NRXN1: variants seen among roughly 807,000 people sequenced by gnomAD.
NRXN1 encodes neurexin-1.
Under a neutral mutation model 150.9 loss-of-function variants are expected in NRXN1, and 39 were observed. The ratio of observed to expected loss-of-function variants is 0.26; its 90% CI spans 0.20 to 0.34. The LOEUF is 0.34. NRXN1 is among the 10% of genes least tolerant of loss of function. The pLI is 1.00. For synonymous variants in NRXN1, 924 were observed against 757.0 expected (o/e 1.22, Z -3.62); for missense variants, 1,815 against 1,949.9 (o/e 0.93, Z 1.30).
At chr2:50,027,668 G>A (rs1226943375) in intron 21 of NRXN1, among the ~76,000 whole-genome samples, 2 of 152,122 alleles carry the variant, frequency 1.3e-5, no homozygotes, top group Non-Finnish European at 2.9e-5. Flanking sequence ...CTGGGCTCAA[G>A]TTATCCTCCC....
At chr2:50,321,357 A>G (rs1281618170) in intron 17 of NRXN1, among the ~76,000 whole-genome samples, 1 of 152,204 alleles carries the variant, frequency 6.6e-6, no homozygotes, top group Non-Finnish European at 1.5e-5. Context: ...TGTTGAATGC[A>G]GTATGTCCCA....
At chr2:50,324,347 T>C (rs1368340938) in intron 17 of NRXN1, among the ~76,000 whole-genome samples, 1 of 152,090 alleles carries the variant, frequency 6.6e-6, no homozygotes, top group Non-Finnish European at 1.5e-5. Context: ...AATGACCCAA[T>C]AAATGAAGAT....
intron 17 of NRXN1, among the ~76,000 whole-genome samples, chr2:50,339,306 A>G (rs2077394171): frequency 6.6e-6 from 1 of 152,064 alleles, no homozygotes; most frequent in Admixed American, 6.5e-5. Flanking sequence ...GTCACCAAAT[A>G]TATACAGGAA....
intron 5 of NRXN1, among the ~76,000 whole-genome samples, chr2:50,874,556 T>A (rs1016266514): frequency 6.6e-6 from 1 of 151,858 alleles, no homozygotes; most frequent in Non-Finnish European, 1.5e-5. Context: ...ATAAATGTGG[T>A]ATGCTTTTAT....
chr2:50,549,281 A>G (rs1278087561), intron 9 of NRXN1, among the ~76,000 whole-genome samples: 1 of 152,182 alleles, frequency 6.6e-6, no homozygotes, highest in Non-Finnish European at 1.5e-5. Context: ...CAAATATGGA[A>G]CTTAATTAAA....
chr2:50,918,965 A>G (rs1685605519), intron 5 of NRXN1: 1 of 155,346 alleles, frequency 6.4e-6, no homozygotes, highest in African/African-American at 2.4e-5. Flanking sequence ...AATTCATTCA[A>G]AGTTTATTCT....
chr2:50,225,660 G>A (rs1424138879), intron 18 of NRXN1, among the ~76,000 whole-genome samples: 3 of 151,914 alleles, frequency 2.0e-5, no homozygotes, highest in East Asian at 1.9e-4. Flanking sequence ...GGAATAAGAG[G>A]AAGTAGGAGT....
chr2:50,923,086 T>C (rs1686316338), intron 3 of NRXN1, among the ~76,000 whole-genome samples: 1 of 151,708 alleles, frequency 6.6e-6, no homozygotes, highest in African/African-American at 2.4e-5. Flanking sequence ...TAAAACCCAA[T>C]GGAATACATG....
rs2078113847 is a variant in NRXN1, at chr2:50,347,513, C to A, written c.3365-110543G>T. 9.6e-7 allele frequency: 1 copy of A among 1,045,842 alleles called. No individual in the cohort carries two copies. Among genetic ancestry groups the A allele is most frequent in the Admixed American group, 5.5e-5 (1 of 18,288 alleles). The allele number at this position is 1,045,842 out of a possible 1,614,324, so 64.8% of individuals were successfully genotyped here. On this transcript the variant is annotated intron_variant, in intron 17 of 22. Transcript: ENST00000401669. The surrounding 1 kb of genome is among the most constrained non-coding windows in gnomAD (Gnocchi z 4.9). The stretch of plus-strand genomic sequence containing the variant: ...CCCCTTCCCTCCATTCAGCCCCGGC[C>A]GGCTCGCCCGCTAGCGCCAGCCTCC...
chr2:50,538,196 A>T, intron 10 of NRXN1, 57 bp downstream of exon 10: 2 of 1,558,762 alleles, frequency 1.3e-6, no homozygotes, highest in Non-Finnish European at 1.7e-6. Flanking sequence ...GTTTGAGGTC[A>T]ACATTTAATA....
At chr2:50,369,196 G>A (rs2079824637) in intron 17 of NRXN1, among the ~76,000 whole-genome samples, 1 of 151,788 alleles carries the variant, frequency 6.6e-6, no homozygotes, top group Non-Finnish European at 1.5e-5. Context: ...GGTGAGTGGT[G>A]AGAAAAATCA....
At chr2:50,253,974 A>G (rs1252194444) in intron 17 of NRXN1, among the ~76,000 whole-genome samples, 1 of 151,222 alleles carries the variant, frequency 6.6e-6, no homozygotes, top group African/African-American at 2.5e-5. Context: ...GTTTGGAATC[A>G]TTTCAGAAGA....
rs542055033 is a variant in NRXN1 at position 51,006,260 on chromosome 2, C to T, written c.772+21242G>A. On this transcript the variant is annotated intron_variant, in intron 2 of 22. Coordinates refer to ENST00000401669, the MANE Select transcript of NRXN1 (RefSeq NM_001330078.2). ...GTCCTTTGTAGGGACATGGATGAAGCTGGAAACCATCATTCTCAGTAAACT... is the reference window on the plus strand; with the variant it reads ...GTCCTTTGTAGGGACATGGATGAAGTTGGAAACCATCATTCTCAGTAAACT... Among the ~76,000 whole-genome samples the T allele has an allele frequency of 9.8e-3, 1,482 of 151,826 alleles. 10 individuals are homozygous for T. Among genetic ancestry groups the T allele is most frequent in the Middle Eastern group, 0.075 (22 of 292 alleles).
At chr2:50,865,003 G>A (rs1242019796) in intron 5 of NRXN1, among the ~76,000 whole-genome samples, 1 of 151,830 alleles carries the variant, frequency 6.6e-6, no homozygotes, top group East Asian at 2.0e-4. Context: ...CAAAGTCTGA[G>A]TCCTACTATG....
intron 17 of NRXN1, among the ~76,000 whole-genome samples, chr2:50,292,263 T>A (rs1395013211): frequency 6.6e-6 from 1 of 152,204 alleles, no homozygotes; most frequent in East Asian, 1.9e-4. Flanking sequence ...AATTAAGTTA[T>A]ATTGGCAAGC....
At chr2:49,935,381 A>AT (rs780223280) in intron 22 of NRXN1, among the ~76,000 whole-genome samples, 35 of 150,666 alleles carry the variant, frequency 2.3e-4, no homozygotes, top group South Asian at 4.2e-4. Context: ...TCTTTCTCCT[A>AT]TTTTTTTTTA....
intron 19 of NRXN1, among the ~76,000 whole-genome samples, chr2:50,090,552 A>G (rs1471362317): frequency 1.3e-5 from 2 of 152,152 alleles, no homozygotes; most frequent in African/African-American, 2.4e-5. Context: ...CTTAAAAAGC[A>G]TATTTGTTTT....
At chr2:50,677,077 A>G (rs1008448413) in intron 5 of NRXN1, among the ~76,000 whole-genome samples, 2 of 152,178 alleles carry the variant, frequency 1.3e-5, no homozygotes, top group Admixed American at 6.6e-5. Flanking sequence ...TATGAACTAT[A>G]TAAGCCACAA....
intron 5 of NRXN1, among the ~76,000 whole-genome samples, chr2:50,887,571 G>C (rs1455855517): frequency 1.3e-5 from 2 of 151,432 alleles, no homozygotes; most frequent in African/African-American, 2.4e-5. Context: ...TTTAACATCT[G>C]TGAGTTTATC....
Sources: allele counts gnomAD v4.1 joint callset (sites outside exome capture counted in the v4.1 genomes callset), GRCh38; gene constraint gnomAD v4.1.1; non-coding constraint Gnocchi (gnomAD v3.1); transcripts MANE v1.5; gene names NCBI Gene and HGNC (gene_info 2026-07-23, HGNC 2026-07-21).